The following CCDC187 variants were observed in gnomAD, a reference collection of about 807,000 sequenced individuals.
CCDC187 encodes the protein coiled-coil domain-containing protein 187.
Under a neutral mutation model 38.0 loss-of-function variants are expected in CCDC187, and 32 were observed. That is an observed-to-expected ratio of 0.84 (90% CI 0.64 to 1.13). The LOEUF (loss-of-function observed/expected upper bound fraction) is 1.13. Ranked by LOEUF, CCDC187 falls within the 50% of genes most tolerant of loss-of-function variation. The probability of loss-of-function intolerance (pLI) is 0.00; values close to 1 mark genes in which losing one functional copy is unlikely to be tolerated. For synonymous variants in CCDC187, 333 were observed against 347.9 expected, an observed-to-expected ratio of 0.96 and a Z score of 0.48; for missense variants, 707 against 786.8, an observed-to-expected ratio of 0.90 and a Z score of 1.21.
chr9:136,267,861 G>C, intron 15 of CCDC187, 188 bp downstream of exon 15: 4 of 985,406 alleles, frequency 4.1e-6, no homozygotes, highest in South Asian at 4.7e-5. Flanking sequence ...CTGTCACCCA[G>C]GGCGGGAGGA....
Position 136,253,927 on chromosome 9 carries a change from C to A in CCDC187, c.5901G>T (p.Gly1967=). 1 of 985,508 alleles carries A rather than the reference C, an allele frequency of 1.0e-6. No individual in the cohort carries two copies. The allele number at this position is 985,508 out of a possible 1,614,324, so 61.0% of individuals were successfully genotyped here. Residue 1967 remains glycine, a synonymous_variant, in exon 26 of 26, where the codon GGG becomes GGT. Transcript: ENST00000638797. ...ESRAPGPGGN[G]APTVLEEACP... The stretch of plus-strand genomic sequence containing the variant: ...AGGCTTCCTCCAGGACAGTGGGGGC[C>A]CCATTCCCACCAGGCCCAGGCGCCC...
In CCDC187 at chr9:136,250,864, G is replaced by A. The variant is rs62579871; in HGVS notation, c.*2730C>T. ...AGGCTGGGTCCAGCTGCTCCCGGGC[G>A]AGGGGTGTCTGGAGAGGGGCTCTTG... On this transcript the variant is annotated 3_prime_UTR_variant, in exon 26 of 26. Transcript: ENST00000638797. 400,780 of 455,022 alleles carry A rather than the reference G, an allele frequency of 0.88. 176,868 individuals carry two copies. Among genetic ancestry groups the A allele is most frequent in the African/African-American group, 0.94 (47,335 of 50,180 alleles). The allele number at this position is 455,022 out of a possible 1,614,324, so 28.2% of individuals were successfully genotyped here. A position where few individuals can be genotyped will look rare whatever the true frequency, so the allele number is the denominator to read the frequency against.
chr9:136,267,315 CAGCAG>C (rs1830762584), intron 16 of CCDC187, 64 bp downstream of exon 16: 1 of 915,886 alleles, frequency 1.1e-6, no homozygotes, highest in African/African-American at 2.3e-5. Context: ...GGCGGGGCTA[CAGCAG>C]GGCGGGGCTA....
At chr9:136,259,248 G>A (rs1341331955) in intron 21 of CCDC187, 115 bp downstream of exon 21, 1 of 288,794 alleles carries the variant, frequency 3.5e-6, no homozygotes, top group Non-Finnish European at 5.1e-6. Context: ...TTGGCAGAAT[G>A]TTGGGGGGGA....
At chr9:136,294,257 C>T (rs1371592716) in intron 4 of CCDC187, among the ~76,000 whole-genome samples, 8 of 151,818 alleles carry the variant, frequency 5.3e-5, no homozygotes, top group Non-Finnish European at 7.4e-5. Flanking sequence ...CACACTCTCA[C>T]GCGCTCATAT....
chr9:136,261,606 G>A (rs1457415594), intron 19 of CCDC187, among the ~76,000 whole-genome samples: 2 of 152,240 alleles, frequency 1.3e-5, no homozygotes, highest in Non-Finnish European at 2.9e-5. Context: ...ATCAGTCTGT[G>A]CCCAGGTTTA....
chr9:136,285,476 CAGGT>C (rs1205127737), intron 9 of CCDC187, 33 bp downstream of exon 9: 1 of 32,780 alleles, frequency 3.1e-5, no homozygotes, highest in Non-Finnish European at 6.5e-5. Flanking sequence ...GGCAGGTGGG[CAGGT>C]GGGCAGGTGG....
Position 136,295,293 on chromosome 9 carries a change from G to A in CCDC187, c.832+2421C>T, listed in dbSNP as rs1013004042. On this transcript the variant is annotated intron_variant, in intron 4 of 25. Coordinates refer to ENST00000638797, the MANE Select transcript of CCDC187 (RefSeq NM_001378188.1). Reference sequence around the variant, plus strand: ...GGAGGGGCTGCCCGCCTGCCCGCCCGGCCCCTCCATTGCTGGCCACTCACT... The same window carrying A: ...GGAGGGGCTGCCCGCCTGCCCGCCCAGCCCCTCCATTGCTGGCCACTCACT... 5.9e-5 allele frequency among the ~76,000 whole-genome samples: 9 copies of A among 152,308 alleles called. No individual in the cohort carries two copies. The East Asian group carries it at 7.7e-4, about 13-fold the overall frequency.
rs1355952753 is a variant in CCDC187 at position 136,250,818 on chromosome 9, C to G, written c.*2776G>C. 6.6e-6 allele frequency: 3 copies of G among 456,102 alleles called. No homozygotes were observed. The highest frequency in any genetic ancestry group is 4.7e-5 in the Admixed American group (2 of 42,572). The allele number at this position is 456,102 out of a possible 1,614,324, so 28.3% of individuals were successfully genotyped here. Reference sequence around the variant, plus strand: ...TTAACGGCACCTGGGGCTAAGCAGCCGCCCCGGGGCTGGAGAAGGCAGGCT... The same window carrying G: ...TTAACGGCACCTGGGGCTAAGCAGCGGCCCCGGGGCTGGAGAAGGCAGGCT... On this transcript the variant is annotated 3_prime_UTR_variant, in exon 26 of 26. Coordinates refer to ENST00000638797, the MANE Select transcript of CCDC187 (RefSeq NM_001378188.1).
intron 3 of CCDC187, among the ~76,000 whole-genome samples, chr9:136,299,193 G>A (rs1487622339): frequency 1.4e-4 from 22 of 152,226 alleles, no homozygotes; most frequent in African/African-American, 2.4e-4. Flanking sequence ...GGAGTTCCCC[G>A]GCAACTGTGG....
intron 4 of CCDC187, among the ~76,000 whole-genome samples, chr9:136,294,086 A>G (rs1831469567): frequency 6.7e-6 from 1 of 149,658 alleles, no homozygotes; most frequent in South Asian, 2.1e-4. Context: ...ACGCTCATAT[A>G]CACACGCCCT....
chr9:136,296,228 G>C (rs970253232), intron 4 of CCDC187: 51 of 152,478 alleles, frequency 3.3e-4, no homozygotes, highest in African/African-American at 1.2e-3. Flanking sequence ...GAGGCATGGA[G>C]CATTACAGGA....
chr9:136,305,789 A>C (rs2131377654), upstream of CCDC187, among the ~76,000 whole-genome samples: 1 of 152,376 alleles, frequency 6.6e-6, no homozygotes, highest in Non-Finnish European at 1.5e-5. Context: ...CCCAGCGAGC[A>C]GAGCATCGCG....
chr9:136,289,732 ATTTAAGT>A (rs1831268923), intron 7 of CCDC187, among the ~76,000 whole-genome samples: 1 of 152,108 alleles, frequency 6.6e-6, no homozygotes, highest in African/African-American at 2.4e-5. Context: ...AACGTGGTGG[ATTTAAGT>A]TTGATGCGAC....
chr9:136,281,546 C>CT lies in CCDC187; in HGVS notation c.3040+4dup. 2.5e-6 allele frequency: 1 copy of CT among 398,616 alleles called. No individual in the cohort carries two copies. 24.7% of individuals were successfully genotyped at this position (398,616 alleles called of 1,614,324 possible). ...CCCAGGGCCTGTCCGCAGGGTCGCC[C>CT]TTACCGCAGCTCCGGGGGGTGCAGG... On this transcript the variant is annotated splice_donor_region_variant and intron_variant, in intron 10 of 25. Transcript: ENST00000638797.
At chr9:136,261,973 G>C (rs544447173) in intron 19 of CCDC187, among the ~76,000 whole-genome samples, 48 of 152,258 alleles carry the variant, frequency 3.2e-4, no homozygotes, top group Admixed American at 1.5e-3. Flanking sequence ...CCAGGCTCTC[G>C]GGCAGCGGCC....
intron 16 of CCDC187, 169 bp from the exon 17 acceptor site, chr9:136,266,212 G>T: frequency 4.6e-6 from 1 of 216,046 alleles, no homozygotes; most frequent in Non-Finnish European, 7.9e-6. Context: ...GAAGCCTTGG[G>T]GTGGCCAGAT....
Position 136,256,699 on chromosome 9 carries a change from A to G in CCDC187, c.4503+6T>C, listed in dbSNP as rs1830617089. On this transcript the variant is annotated splice_donor_region_variant and intron_variant, in intron 23 of 25. Transcript: ENST00000638797. ...CACAGGAAGGGCACGGCCACACCCGACTCACGCTGGCTTCTTGTGGGCCAC... is the reference window on the plus strand; with the variant it reads ...CACAGGAAGGGCACGGCCACACCCGGCTCACGCTGGCTTCTTGTGGGCCAC... 2 of 152,084 alleles carry G rather than the reference A, an allele frequency of 1.3e-5. No homozygotes were observed. The highest frequency in any genetic ancestry group is 4.8e-5 in the African/African-American group (2 of 41,408). 9.4% of individuals were successfully genotyped at this position (152,084 alleles called of 1,614,324 possible).
At position 136,252,085 on chromosome 9, in the gene CCDC187, CGTCCACCAG is replaced by C. The variant is rs1830548960; in HGVS notation, c.*1500_*1508del. 1.0e-5 allele frequency: 1 copy of C among 99,926 alleles called. No individual in the cohort carries two copies. Among genetic ancestry groups the C allele is most frequent in the Non-Finnish European group, 2.1e-5 (1 of 47,852 alleles). 6.2% of individuals were successfully genotyped at this position (99,926 alleles called of 1,614,324 possible). On this transcript the variant is annotated 3_prime_UTR_variant, in exon 26 of 26. Coordinates refer to ENST00000638797, the MANE Select transcript of CCDC187 (RefSeq NM_001378188.1). Reference sequence around the variant, plus strand: ...ATCCCGCACAGCCGGCCGCCCACCCCGTCCACCAGGGGAAGGTCCAGGCGACCGTCCCGC... The same window carrying C: ...ATCCCGCACAGCCGGCCGCCCACCCCGGGAAGGTCCAGGCGACCGTCCCGC...
Sources: allele counts gnomAD v4.1 joint callset (sites outside exome capture counted in the v4.1 genomes callset), GRCh38; gene constraint gnomAD v4.1.1; transcripts MANE v1.5; gene names NCBI Gene and HGNC (gene_info 2026-07-23, HGNC 2026-07-21).